NPR3: variants seen among roughly 807,000 people sequenced by gnomAD.
NPR3 encodes the protein atrial natriuretic peptide receptor 3.
A neutral mutation model predicts 54.5 loss-of-function variants in NPR3; 34 were observed. That is an observed-to-expected ratio of 0.62 (90% CI 0.47 to 0.83). The LOEUF is 0.83. Among genes scored for constraint, NPR3 ranks in the 40% least tolerant of loss-of-function variants. NPR3 has a pLI of 0.00. For missense variants in NPR3, 674 were observed against 720.8 expected (o/e 0.94, Z 0.74); for synonymous variants, 289 against 297.1 (o/e 0.97, Z 0.28).
rs777468236 is a variant in NPR3, at chr5:32,787,249, C to T, written c.*904C>T. On this transcript the variant is annotated 3_prime_UTR_variant, in exon 8 of 8. Coordinates refer to ENST00000265074, the MANE Select transcript of NPR3 (RefSeq NM_001204375.2). ...CTTGGCCACAGCCAAATGCTAATTG[C>T]TGCTTTAATTACAGAGATGTGTAAA... 45 of 152,558 alleles carry T rather than the reference C, an allele frequency of 2.9e-4. No individual in the cohort carries two copies. Among genetic ancestry groups the T allele is most frequent in the Non-Finnish European group, 2.8e-4 (19 of 68,034 alleles). The allele number at this position is 152,558 out of a possible 1,614,324, so 9.5% of individuals were successfully genotyped here.
At chr5:32,773,407 G>A (rs1171199797) in intron 3 of NPR3, among the ~76,000 whole-genome samples, 1 of 152,140 alleles carries the variant, frequency 6.6e-6, no homozygotes, top group East Asian at 1.9e-4. Flanking sequence ...GTGATTAGAT[G>A]CCTACTGAAG....
intron 3 of NPR3, among the ~76,000 whole-genome samples, chr5:32,772,490 C>T (rs1040768269): frequency 1.3e-5 from 2 of 152,186 alleles, no homozygotes; most frequent in African/African-American, 2.4e-5. Flanking sequence ...TTGAACTGCA[C>T]TTGTCATACT....
chr5:32,718,559 T>C (rs1273526309), intron 1 of NPR3, among the ~76,000 whole-genome samples: 4 of 152,212 alleles, frequency 2.6e-5, no homozygotes, highest in Non-Finnish European at 5.9e-5. Flanking sequence ...GAAGAGGTCC[T>C]TCACATCCCT....
At chr5:32,710,859 G>GTTT (rs56022335), upstream of NPR3, 327 of 978,904 alleles carry the variant, frequency 3.3e-4, no homozygotes, top group South Asian at 1.2e-3. Context: ...CCCAGTCCTG[G>GTTT]TTTTTTTTTT....
chr5:32,766,921 C>T (rs1308174874), intron 3 of NPR3, among the ~76,000 whole-genome samples: 1 of 152,194 alleles, frequency 6.6e-6, no homozygotes, highest in Non-Finnish European at 1.5e-5. Flanking sequence ...GTTTAAAGAC[C>T]AGGTTGAGAT....
upstream of NPR3, chr5:32,710,878 C>A (rs559464137): frequency 1.9e-6 from 2 of 1,062,984 alleles, no homozygotes; most frequent in East Asian, 6.2e-5. Context: ...TTTTTTTGCA[C>A]GGTGTGTGTG....
chr5:32,716,630 A>C (rs1434242741), intron 1 of NPR3: 1 of 259,202 alleles, frequency 3.9e-6, no homozygotes, highest in African/African-American at 2.3e-5. Context: ...TCTCTTACAC[A>C]ATATTTTTTA....
rs1742216366 is a variant in NPR3 at position 32,779,219 on chromosome 5, G to C, written c.1196-1503G>C. Among the ~76,000 whole-genome samples the C allele has an allele frequency of 2.0e-5, 3 of 152,134 alleles. No individual in the cohort carries two copies. In the South Asian group the frequency reaches 6.2e-4, roughly 32 times the overall value. Reference sequence around the variant, plus strand: ...GACATTCATTTTACTTGAGGAGTCAGTACCTCCAGAGAGAACCAAATCAGA... The same window carrying C: ...GACATTCATTTTACTTGAGGAGTCACTACCTCCAGAGAGAACCAAATCAGA... On this transcript the variant is annotated intron_variant, in intron 4 of 7. Coordinates refer to ENST00000265074, the MANE Select transcript of NPR3 (RefSeq NM_001204375.2).
At chr5:32,764,004 G>A (rs1741311082) in intron 3 of NPR3, among the ~76,000 whole-genome samples, 1 of 152,108 alleles carries the variant, frequency 6.6e-6, no homozygotes, top group Non-Finnish European at 1.5e-5. Context: ...CCTAACCTGT[G>A]GTCCTTTTGT....
intron 2 of NPR3, among the ~76,000 whole-genome samples, chr5:32,725,831 T>C (rs1000209944): frequency 5.3e-5 from 8 of 152,214 alleles, no homozygotes; most frequent in African/African-American, 1.9e-4. Flanking sequence ...TGAAAGCCAC[T>C]GCTCCCAGTC....
At chr5:32,754,324 G>T (rs1466009926) in intron 3 of NPR3, among the ~76,000 whole-genome samples, 5 of 151,838 alleles carry the variant, frequency 3.3e-5, no homozygotes, top group Non-Finnish European at 7.4e-5. Flanking sequence ...GCTCTTGGAA[G>T]TTATGAAAAA....
At chr5:32,742,717 G>A (rs996068247) in intron 3 of NPR3, among the ~76,000 whole-genome samples, 3 of 152,140 alleles carry the variant, frequency 2.0e-5, no homozygotes, top group Middle Eastern at 3.4e-3. Context: ...TGTGGGGTTC[G>A]GGGGACACTC....
upstream of NPR3, among the ~76,000 whole-genome samples, chr5:32,707,748 T>G (rs115789325): frequency 9.8e-3 from 1,493 of 152,272 alleles, 23 homozygotes; most frequent in African/African-American, 0.034. Context: ...GCAGCCAGGA[T>G]GCCAAGGGAG....
At chr5:32,748,708 G>A (rs866747790) in intron 3 of NPR3, among the ~76,000 whole-genome samples, 13 of 152,318 alleles carry the variant, frequency 8.5e-5, no homozygotes, top group South Asian at 2.1e-4. Flanking sequence ...GCAGAGCAAA[G>A]CAGATGAAGG....
At chr5:32,750,524 G>T (rs1197827672) in intron 3 of NPR3, among the ~76,000 whole-genome samples, 1 of 152,046 alleles carries the variant, frequency 6.6e-6, no homozygotes, top group Non-Finnish European at 1.5e-5. Flanking sequence ...TCATTTTGGT[G>T]GGGATTTTAG....
intron 4 of NPR3, among the ~76,000 whole-genome samples, chr5:32,779,566 C>A (rs1742232583): frequency 6.6e-6 from 1 of 152,164 alleles, no homozygotes; most frequent in Non-Finnish European, 1.5e-5. Context: ...TTCTTCTGGT[C>A]TCTTTGGGCC....
chr5:32,785,193 C>A (rs1004677433), intron 7 of NPR3, among the ~76,000 whole-genome samples: 2 of 136,612 alleles, frequency 1.5e-5, no homozygotes, highest in East Asian at 4.3e-4. Context: ...CCCCCTGTTA[C>A]CCAGGCTGGA....
chr5:32,719,929 C>G (rs1029421137), intron 1 of NPR3, among the ~76,000 whole-genome samples: 4 of 152,106 alleles, frequency 2.6e-5, no homozygotes, highest in Admixed American at 6.5e-5. Context: ...CAGTGATATC[C>G]CTCTTTTCCT....
intron 3 of NPR3, among the ~76,000 whole-genome samples, chr5:32,748,763 C>T (rs1740428248): frequency 6.6e-6 from 1 of 152,186 alleles, no homozygotes; most frequent in Non-Finnish European, 1.5e-5. Flanking sequence ...GACAACTGTA[C>T]TCACTGGTGT....
Sources: allele counts gnomAD v4.1 joint callset (sites outside exome capture counted in the v4.1 genomes callset), GRCh38; gene constraint gnomAD v4.1.1; transcripts MANE v1.5; gene names NCBI Gene and HGNC (gene_info 2026-07-23, HGNC 2026-07-21).